The following NRXN1 variants were observed in gnomAD, a reference collection of about 807,000 sequenced individuals.
The protein encoded by NRXN1 is neurexin 1.
Under a neutral mutation model 150.9 loss-of-function variants are expected in NRXN1, and 39 were observed. The observed-to-expected ratio is 0.26, with a 90% CI of 0.20 to 0.34. The LOEUF (loss-of-function observed/expected upper bound fraction) is 0.34, where lower values mean the gene tolerates loss of function less well. NRXN1 is among the 10% of genes least tolerant of loss of function. NRXN1 has a pLI of 1.00. For missense variants in NRXN1, 1,815 were observed against 1,949.9 expected, an observed-to-expected ratio of 0.93 and a Z score of 1.30; for synonymous variants, 924 against 757.0, an observed-to-expected ratio of 1.22 and a Z score of -3.62.
chr2:50,187,558 T>A (rs1418117722), intron 18 of NRXN1, among the ~76,000 whole-genome samples: 1 of 152,118 alleles, frequency 6.6e-6, no homozygotes, highest in Non-Finnish European at 1.5e-5. Context: ...TTTAGGGTTG[T>A]CTTGGCTATA....
intron 5 of NRXN1, among the ~76,000 whole-genome samples, chr2:50,625,663 G>A (rs573616271): frequency 6.6e-6 from 1 of 152,048 alleles, no homozygotes; most frequent in Admixed American, 6.6e-5. Flanking sequence ...TATACTGAGA[G>A]GAAAATGTGG....
intron 17 of NRXN1, among the ~76,000 whole-genome samples, chr2:50,460,311 T>C (rs1009313547): frequency 6.6e-6 from 1 of 152,140 alleles, no homozygotes; most frequent in Non-Finnish European, 1.5e-5. Flanking sequence ...GAAAACATTC[T>C]GACTGGGTTT....
At chr2:50,130,090 A>G (rs1303664772) in intron 18 of NRXN1, among the ~76,000 whole-genome samples, 3 of 152,100 alleles carry the variant, frequency 2.0e-5, no homozygotes, top group African/African-American at 7.2e-5. Context: ...AAACCTAGAG[A>G]CTGTAATTAA....
chr2:50,283,220 T>C (rs953720714), intron 17 of NRXN1, among the ~76,000 whole-genome samples: 4 of 152,196 alleles, frequency 2.6e-5, no homozygotes, highest in South Asian at 4.1e-4. Flanking sequence ...CATACAAGCA[T>C]TAGTGCTATT....
At chr2:50,738,203 C>A (rs544096164) in intron 5 of NRXN1, among the ~76,000 whole-genome samples, 2 of 152,078 alleles carry the variant, frequency 1.3e-5, no homozygotes, top group Non-Finnish European at 2.9e-5. Flanking sequence ...CTATTGTGGG[C>A]CAATATTTTA....
At chr2:50,180,216 G>A (rs569451361) in intron 18 of NRXN1, among the ~76,000 whole-genome samples, 34 of 151,972 alleles carry the variant, frequency 2.2e-4, no homozygotes, top group South Asian at 6.2e-4. Flanking sequence ...GTAGAGACAC[G>A]GTCTTGCTGT....
chr2:50,646,729 T>TC lies in NRXN1; in HGVS notation c.833-23115dup, dbSNP rs1553923450. 1.0e-4 allele frequency among the ~76,000 whole-genome samples: 14 copies of TC among 138,620 alleles called. No individual in the cohort carries two copies. In the East Asian group the frequency reaches 2.7e-3, roughly 27 times the overall value. The allele number at this position is 138,620 out of a possible 152,430, so 90.9% of individuals were successfully genotyped here. On this transcript the variant is annotated intron_variant, in intron 5 of 22. Coordinates refer to ENST00000401669, the MANE Select transcript of NRXN1 (RefSeq NM_001330078.2). ...TTGTCTTTTTTTTTTTTTTTTTTTT[T>TC]CTCTCTGAGCTGTTCCACTAGGCAC...
At chr2:50,494,747 T>A (rs1240980517) in intron 15 of NRXN1, among the ~76,000 whole-genome samples, 3 of 152,170 alleles carry the variant, frequency 2.0e-5, no homozygotes, top group Non-Finnish European at 1.5e-5. Context: ...AAGAGTTCTG[T>A]TGAGGCTGGG....
chr2:50,300,342 A>G (rs933627235), intron 17 of NRXN1, among the ~76,000 whole-genome samples: 3 of 152,182 alleles, frequency 2.0e-5, no homozygotes, highest in Non-Finnish European at 2.9e-5. Context: ...GAAAATTGCA[A>G]AACTAATTTT....
At chr2:50,907,205 A>G (rs1446569618) in intron 5 of NRXN1, among the ~76,000 whole-genome samples, 1 of 151,964 alleles carries the variant, frequency 6.6e-6, no homozygotes, top group Non-Finnish European at 1.5e-5. Flanking sequence ...AAACAAAAAA[A>G]TAAACCAACC....
At chr2:50,998,894 A>G (rs1298826809) in intron 2 of NRXN1, among the ~76,000 whole-genome samples, 1 of 152,084 alleles carries the variant, frequency 6.6e-6, no homozygotes, top group Non-Finnish European at 1.5e-5. Context: ...ATGAGATTCA[A>G]TTAGCCCAAT....
intron 8 of NRXN1, among the ~76,000 whole-genome samples, chr2:50,574,738 C>T (rs1031182643): frequency 3.9e-5 from 6 of 152,110 alleles, no homozygotes; most frequent in Admixed American, 6.5e-5. Context: ...CAACACCATA[C>T]GGTAGTATTC....
At chr2:50,980,130 G>A (rs1224937355) in intron 2 of NRXN1, among the ~76,000 whole-genome samples, 1 of 152,050 alleles carries the variant, frequency 6.6e-6, no homozygotes, top group Non-Finnish European at 1.5e-5. Context: ...GGAGATGTCT[G>A]ATTAAAATTT....
At chr2:50,158,163 TC>T (rs1309236747) in intron 18 of NRXN1, among the ~76,000 whole-genome samples, 22 of 150,374 alleles carry the variant, frequency 1.5e-4, no homozygotes, top group Admixed American at 9.4e-4. Flanking sequence ...CTATCCATTT[TC>T]CACCACATCT....
chr2:50,084,599 C>A (rs375478099), intron 19 of NRXN1, among the ~76,000 whole-genome samples: 1 of 152,184 alleles, frequency 6.6e-6, no homozygotes, highest in East Asian at 1.9e-4. Context: ...CCCTCCACAC[C>A]CCCCGCAGGC....
intron 18 of NRXN1, among the ~76,000 whole-genome samples, chr2:50,144,579 G>A (rs1486959465): frequency 6.6e-6 from 1 of 151,822 alleles, no homozygotes; most frequent in East Asian, 1.9e-4. Context: ...CACGGATAAA[G>A]AAGAAGCCAA....
Position 50,497,437 on chromosome 2 carries a change from A to C in NRXN1, c.2775T>G (p.Thr925=). 6.2e-7 allele frequency: 1 copy of C among 1,613,516 alleles called. No homozygotes were observed. The highest frequency in any genetic ancestry group is 1.1e-5 in the South Asian group (1 of 91,054). Residue 925 remains threonine (T), a synonymous_variant, in exon 14 of 23, where the codon ACT becomes ACG. Transcript: ENST00000401669. ...TGAACTGGAAAAAAAGATGCATAGA[A>C]GTGTAGGCTTGCAAGGTAGCTAAGG... ...YVALATLQAY[T]SMHLFFQFKT...
At chr2:50,219,968 TATATATAATATATATA>T (rs2063732150) in intron 18 of NRXN1, among the ~76,000 whole-genome samples, 1 of 52,994 alleles carries the variant, frequency 1.9e-5, no homozygotes, top group African/African-American at 1.7e-4. Flanking sequence ...ATATATTATA[TATATATAATATATATA>T]TTATATATAA....
At chr2:50,032,955 C>T (rs1191494275) in intron 21 of NRXN1, among the ~76,000 whole-genome samples, 1 of 151,784 alleles carries the variant, frequency 6.6e-6, no homozygotes, top group Non-Finnish European at 1.5e-5. Flanking sequence ...CATACACACA[C>T]ACACACGCCC....
Sources: allele counts gnomAD v4.1 joint callset (sites outside exome capture counted in the v4.1 genomes callset), GRCh38; gene constraint gnomAD v4.1.1; transcripts MANE v1.5; gene names NCBI Gene and HGNC (gene_info 2026-07-23, HGNC 2026-07-21).